SPESP1: variants seen among roughly 807,000 people sequenced by gnomAD.
SPESP1 encodes sperm equatorial segment protein 1.
SPESP1 carries 1 observed loss-of-function variant against 3.1 expected under a neutral mutation model. The ratio of observed to expected loss-of-function variants is 0.33; its 90% CI spans 0.12 to 1.54. The LOEUF is 1.54. SPESP1 is among the 40% of genes most tolerant of loss of function. SPESP1 has a pLI of 0.38. For missense variants in SPESP1, 398 were observed against 410.1 expected (o/e 0.97, Z 0.26); for synonymous variants, 138 against 150.7 (o/e 0.92, Z 0.62).
intron 1 of SPESP1, among the ~76,000 whole-genome samples, chr15:68,943,148 C>G (rs1895872047): frequency 6.6e-6 from 1 of 151,388 alleles, no homozygotes; most frequent in African/African-American, 2.4e-5. Flanking sequence ...TCTAAAGTCT[C>G]CTCTACTGAC....
intron 1 of SPESP1, among the ~76,000 whole-genome samples, chr15:68,943,010 G>C (rs1895866582): frequency 6.6e-6 from 1 of 151,814 alleles, no homozygotes; most frequent in African/African-American, 2.4e-5. Context: ...AAATAAAGGA[G>C]AAAAAATTCT....
In SPESP1 at chr15:68,933,008, C is replaced by T. The variant is rs931739939; in HGVS notation, c.64+2291C>T. Reference sequence around the variant, plus strand: ...TTTTTAAAATAAGTATACCAAAATGCGTATATCATTGAGCTTGATGTAAAT... The same window carrying T: ...TTTTTAAAATAAGTATACCAAAATGTGTATATCATTGAGCTTGATGTAAAT... On this transcript the variant is annotated intron_variant, in intron 1 of 1. Transcript: ENST00000310673. Among the ~76,000 whole-genome samples, 6 of 150,898 alleles carry T rather than the reference C, an allele frequency of 4.0e-5. No homozygotes were observed. In the East Asian group the frequency reaches 6.0e-4, roughly 15 times the overall value.
rs1895959375 is a variant in SPESP1 at position 68,946,189 on chromosome 15, G to A, written c.655G>A (p.Glu219Lys). 1 of 1,614,162 alleles carries A rather than the reference G, an allele frequency of 6.2e-7. No individual in the cohort carries two copies. The highest frequency in any genetic ancestry group is 8.5e-7 in the Non-Finnish European group (1 of 1,180,044). The change falls in exon 2 of 2, where the codon GAG (glutamate) becomes AAG (lysine). Residue 219 changes from glutamate (E) to lysine (K), a missense_variant. Glu to Lys is a moderately conservative substitution (Grantham distance 56). Transcript: ENST00000310673. ...ACCCGAAGAGTTTGGAAAGCACCCA[G>A]AGAGTTGGAATAATGATGACATTTT... ...EKPEEFGKHPESWNNDDILKK... is the reference protein window; with the variant it reads ...EKPEEFGKHPKSWNNDDILKK...
In SPESP1 at chr15:68,936,455, C is replaced by G. The variant is rs75010485; in HGVS notation, c.64+5738C>G. On this transcript the variant is annotated intron_variant, in intron 1 of 1. Coordinates refer to ENST00000310673, the MANE Select transcript of SPESP1 (RefSeq NM_145658.4). Reference sequence around the variant, plus strand: ...ACATTACGCTAAGTATAAGAAGCCACTCACAAAAGGACACATATCGTATGA... The same window carrying G: ...ACATTACGCTAAGTATAAGAAGCCAGTCACAAAAGGACACATATCGTATGA... 6.5e-3 allele frequency among the ~76,000 whole-genome samples: 984 copies of G among 152,300 alleles called. 6 individuals carry two copies. The highest frequency in any genetic ancestry group is 0.014 in the Middle Eastern group (4 of 294).
intron 1 of SPESP1, among the ~76,000 whole-genome samples, chr15:68,938,223 C>T (rs1895732595): frequency 6.6e-6 from 1 of 152,190 alleles, no homozygotes; most frequent in African/African-American, 2.4e-5. Context: ...TTAGTTGACC[C>T]ACCCAAAGTG....
At chr15:68,933,421 C>T (rs1004935248) in intron 1 of SPESP1, among the ~76,000 whole-genome samples, 1 of 152,140 alleles carries the variant, frequency 6.6e-6, no homozygotes, top group Non-Finnish European at 1.5e-5. Context: ...TCAGTTTCCT[C>T]TACCTGATTT....
intron 1 of SPESP1, among the ~76,000 whole-genome samples, chr15:68,944,429 A>T (rs1180934481): frequency 2.7e-5 from 4 of 145,648 alleles, no homozygotes; most frequent in Non-Finnish European, 6.0e-5. Context: ...TCTTTTCTGT[A>T]TTTTTTCTTT....
At position 68,946,108 on chromosome 15, in the gene SPESP1, A is replaced by T. The variant is rs1234685926; in HGVS notation, c.574A>T (p.Ile192Phe). 1 of 1,614,078 alleles carries T rather than the reference A, an allele frequency of 6.2e-7. No individual in the cohort carries two copies. Among genetic ancestry groups the T allele is most frequent in the Non-Finnish European group, 8.5e-7 (1 of 1,180,044 alleles). ...TTTAGATAAGAGCACTGGCATTGGG[A>T]TCTCTACAGAATCAGAAGATGTTCC... ...TTLDKSTGIG[I>F]STESEDVPQL... Residue 192 changes from isoleucine (I) to phenylalanine (F), a missense_variant, in exon 2 of 2, where the codon ATC (isoleucine) becomes TTC (phenylalanine). Coordinates refer to ENST00000310673, the MANE Select transcript of SPESP1 (RefSeq NM_145658.4).
At chr15:68,933,146 G>C (rs1002870834) in intron 1 of SPESP1, among the ~76,000 whole-genome samples, 3 of 152,242 alleles carry the variant, frequency 2.0e-5, no homozygotes. Context: ...ATTTTTTCTA[G>C]ACTACTAGAC....
chr15:68,944,039 G>C (rs1194516164), intron 1 of SPESP1, among the ~76,000 whole-genome samples: 1 of 152,212 alleles, frequency 6.6e-6, no homozygotes, highest in Admixed American at 6.5e-5. Context: ...TAGCCTGCAG[G>C]GGGATGGTTC....
At chr15:68,942,889 T>C (rs1895862628) in intron 1 of SPESP1, among the ~76,000 whole-genome samples, 1 of 150,882 alleles carries the variant, frequency 6.6e-6, no homozygotes, top group South Asian at 2.1e-4. Context: ...TACTCAATTA[T>C]TTTCCTTCAT....
At chr15:68,943,658 T>TG (rs1231846857) in intron 1 of SPESP1, among the ~76,000 whole-genome samples, 1 of 152,104 alleles carries the variant, frequency 6.6e-6, no homozygotes, top group Non-Finnish European at 1.5e-5. Context: ...TCATTTTGTT[T>TG]GGGGCTCTTT....
At chr15:68,932,495 A>T (rs1373729885) in intron 1 of SPESP1, among the ~76,000 whole-genome samples, 2 of 150,294 alleles carry the variant, frequency 1.3e-5, no homozygotes, top group East Asian at 3.9e-4. Context: ...GGCTCGAGGG[A>T]TTCTCCCACC....
At chr15:68,937,339 G>C (rs781748760) in intron 1 of SPESP1, among the ~76,000 whole-genome samples, 1 of 152,130 alleles carries the variant, frequency 6.6e-6, no homozygotes. Flanking sequence ...AGCTCTCAAA[G>C]AGCTTACTAA....
chr15:68,935,838 A>T lies in SPESP1; in HGVS notation c.64+5121A>T, dbSNP rs149765042. On this transcript the variant is annotated intron_variant, in intron 1 of 1. Transcript: ENST00000310673. ...CCTTTTATGACCATTCCTTGAGTAC[A>T]CCTCAGTAATTAAGCACAATTATTA... Among the ~76,000 whole-genome samples, 43 of 152,350 alleles carry T rather than the reference A, an allele frequency of 2.8e-4. 1 individual carries two copies. Among genetic ancestry groups the T allele is most frequent in the African/African-American group, 1.0e-3 (42 of 41,576 alleles).
At chr15:68,940,686 C>T (rs1895797858) in intron 1 of SPESP1, among the ~76,000 whole-genome samples, 1 of 151,432 alleles carries the variant, frequency 6.6e-6, no homozygotes, top group Non-Finnish European at 1.5e-5. Context: ...TTAATATTTC[C>T]CTTATTGTCC....
chr15:68,932,417 G>A (rs1207622997), intron 1 of SPESP1, among the ~76,000 whole-genome samples: 2 of 147,388 alleles, frequency 1.4e-5, no homozygotes, highest in South Asian at 2.2e-4. Context: ...CTGAGACAGG[G>A]TCTCACTCTC....
At chr15:68,931,653 C>G (rs1230383879) in intron 1 of SPESP1, among the ~76,000 whole-genome samples, 1 of 152,166 alleles carries the variant, frequency 6.6e-6, no homozygotes, top group Non-Finnish European at 1.5e-5. Context: ...AACTTAAGAC[C>G]TGCCAAGGAG....
Position 68,946,175 on chromosome 15 carries a change from T to G in SPESP1, c.641T>G (p.Phe214Cys). ...ACTGCGATAGAAAAACCCGAAGAGT[T>G]TGGAAAGCACCCAGAGAGTTGGAAT... ...GETAIEKPEE[F>C]GKHPESWNND... Residue 214 changes from phenylalanine (F) to cysteine (C), a missense_variant, in exon 2 of 2, where the codon TTT becomes TGT. Coordinates refer to ENST00000310673, the MANE Select transcript of SPESP1 (RefSeq NM_145658.4). The G allele has an allele frequency of 6.2e-7, 1 of 1,614,128 alleles. No homozygotes were observed. Among genetic ancestry groups the G allele is most frequent in the Non-Finnish European group, 8.5e-7 (1 of 1,180,034 alleles).
Sources: allele counts gnomAD v4.1 joint callset (sites outside exome capture counted in the v4.1 genomes callset), GRCh38; gene constraint gnomAD v4.1.1; transcripts MANE v1.5; gene names NCBI Gene and HGNC (gene_info 2026-07-23, HGNC 2026-07-21).